The following IMMP2L variants were observed in gnomAD, a reference collection of about 807,000 sequenced individuals.
IMMP2L encodes the protein inner mitochondrial membrane peptidase subunit 2.
IMMP2L carries 18 observed loss-of-function variants against 19.3 expected under a neutral mutation model. The ratio of observed to expected loss-of-function variants is 0.93; its 90% CI spans 0.64 to 1.38. The LOEUF (loss-of-function observed/expected upper bound fraction) is 1.38, where lower values mean the gene tolerates loss of function less well. Ranked by LOEUF, IMMP2L falls within the 40% of genes most tolerant of loss-of-function variation. IMMP2L has a pLI of 0.00. For synonymous variants in IMMP2L, 76 were observed against 73.0 expected, an observed-to-expected ratio of 1.04 and a Z score of -0.21; for missense variants, 233 against 218.2, an observed-to-expected ratio of 1.07 and a Z score of -0.43.
chr7:110,919,907 C>CT (rs1436589740), intron 4 of IMMP2L, among the ~76,000 whole-genome samples: 1 of 152,088 alleles, frequency 6.6e-6, no homozygotes, highest in African/African-American at 2.4e-5. Context: ...ACGTAAATTG[C>CT]TGCCAGCTTG....
At chr7:111,318,342 G>C (rs1366751506) in intron 3 of IMMP2L, among the ~76,000 whole-genome samples, 3 of 152,088 alleles carry the variant, frequency 2.0e-5, no homozygotes, top group Non-Finnish European at 4.4e-5. Flanking sequence ...AAAAGGGGTT[G>C]AGCACACAAA....
At chr7:111,398,350 C>A (rs1833076418) in intron 3 of IMMP2L, among the ~76,000 whole-genome samples, 2 of 152,042 alleles carry the variant, frequency 1.3e-5, no homozygotes, top group Admixed American at 1.3e-4. Flanking sequence ...TGTGATACAC[C>A]ATATAAACAG....
chr7:111,300,682 A>T (rs572365385), intron 3 of IMMP2L, among the ~76,000 whole-genome samples: 1 of 152,256 alleles, frequency 6.6e-6, no homozygotes, highest in Non-Finnish European at 1.5e-5. Flanking sequence ...CATGTCAAGA[A>T]TCTTATATAA....
intron 4 of IMMP2L, among the ~76,000 whole-genome samples, chr7:110,935,544 G>C (rs1816007490): frequency 6.6e-6 from 1 of 152,084 alleles, no homozygotes; most frequent in African/African-American, 2.4e-5. Flanking sequence ...ATGTTGATCT[G>C]TCTTGCTAGG....
rs370398926 is a variant in IMMP2L at position 110,924,769 on chromosome 7, C to T, written c.306-38074G>A. On this transcript the variant is annotated intron_variant, in intron 4 of 5. Transcript: ENST00000405709. The surrounding 1 kb of genome is among the most constrained non-coding windows in gnomAD (Gnocchi z 4.2). ...CATTTCCCACCTTTTATCCCATCTACGTGTTCTAGTTATTGCTCCAAAGTA... is the reference window on the plus strand; with the variant it reads ...CATTTCCCACCTTTTATCCCATCTATGTGTTCTAGTTATTGCTCCAAAGTA... Among the ~76,000 whole-genome samples, 4 of 152,082 alleles carry T rather than the reference C, an allele frequency of 2.6e-5. No homozygotes were observed. Among genetic ancestry groups the T allele is most frequent in the South Asian group, 2.1e-4 (1 of 4,830 alleles).
intron 5 of IMMP2L, among the ~76,000 whole-genome samples, chr7:110,697,659 G>A (rs1293506746): frequency 6.6e-6 from 1 of 152,056 alleles, no homozygotes; most frequent in African/African-American, 2.4e-5. Flanking sequence ...GCTGGCTGTG[G>A]TGGTGCGGGC....
rs546948256 is a variant in IMMP2L, at chr7:111,130,377, G to A, written c.240-166812C>T. The stretch of plus-strand genomic sequence containing the variant: ...GCCTTTTAGAAGGATGAGCTACAAC[G>A]ACATTTGGAGACCTCACAGTACTTT... On this transcript the variant is annotated intron_variant, in intron 3 of 5. Transcript: ENST00000405709. Among the ~76,000 whole-genome samples the A allele has an allele frequency of 2.5e-3, 380 of 152,164 alleles. 2 individuals are homozygous for A. The highest frequency in any genetic ancestry group is 0.014 in the Middle Eastern group (4 of 294).
intron 5 of IMMP2L, among the ~76,000 whole-genome samples, chr7:110,755,757 TG>T (rs1173223307): frequency 6.6e-6 from 1 of 152,062 alleles, no homozygotes. Flanking sequence ...TTGATAAGAC[TG>T]GGACAAGCAT....
intron 3 of IMMP2L, among the ~76,000 whole-genome samples, chr7:111,481,688 T>C (rs1257448586): frequency 6.6e-6 from 1 of 152,158 alleles, no homozygotes; most frequent in African/African-American, 2.4e-5. Flanking sequence ...ACCAGGTGTT[T>C]ATTACCTATC....
At chr7:111,316,550 G>A (rs910765044) in intron 3 of IMMP2L, among the ~76,000 whole-genome samples, 12 of 152,046 alleles carry the variant, frequency 7.9e-5, no homozygotes, top group South Asian at 4.2e-4. Context: ...GAGGGCTGCC[G>A]CTTAGGAACA....
chr7:111,527,344 G>C (rs1277967668), intron 1 of IMMP2L, among the ~76,000 whole-genome samples: 1 of 147,908 alleles, frequency 6.8e-6, no homozygotes, highest in Non-Finnish European at 1.5e-5. Context: ...TTGAGCTAAG[G>C]AGTTTGAGAC....
At chr7:111,430,483 G>A (rs1836516803) in intron 3 of IMMP2L, among the ~76,000 whole-genome samples, 1 of 151,606 alleles carries the variant, frequency 6.6e-6, no homozygotes, top group South Asian at 2.1e-4. Flanking sequence ...CTATAGTTCT[G>A]AGACTATATA....
At chr7:111,144,814 A>G (rs1803295137) in intron 3 of IMMP2L, among the ~76,000 whole-genome samples, 1 of 152,160 alleles carries the variant, frequency 6.6e-6, no homozygotes, top group Admixed American at 6.6e-5. Context: ...AGCAACACAC[A>G]GGCCCTAATG....
chr7:111,146,780 T>C (rs924627748), intron 3 of IMMP2L, among the ~76,000 whole-genome samples: 2 of 152,078 alleles, frequency 1.3e-5, no homozygotes, highest in African/African-American at 2.4e-5. Context: ...CAAATCGATA[T>C]TGTTCTATCT....
At chr7:111,352,305 T>A (rs1828245975) in intron 3 of IMMP2L, among the ~76,000 whole-genome samples, 1 of 150,906 alleles carries the variant, frequency 6.6e-6, no homozygotes, top group South Asian at 2.1e-4. Flanking sequence ...GTTCAAGCAA[T>A]CCCCTGGCTT....
intron 3 of IMMP2L, among the ~76,000 whole-genome samples, chr7:111,325,466 A>G (rs1825212610): frequency 6.6e-6 from 1 of 151,750 alleles, no homozygotes; most frequent in South Asian, 2.1e-4. Context: ...ATATTTTACC[A>G]TATTAGTAAA....
chr7:111,002,793 T>G (rs561293473), intron 3 of IMMP2L, among the ~76,000 whole-genome samples: 1 of 152,316 alleles, frequency 6.6e-6, no homozygotes, highest in Non-Finnish European at 1.5e-5. Context: ...CTTAAGCATT[T>G]AAGTCACTCG....
intron 3 of IMMP2L, among the ~76,000 whole-genome samples, chr7:111,063,937 A>G (rs112796219): frequency 4.6e-5 from 7 of 152,210 alleles, no homozygotes; most frequent in Admixed American, 2.0e-4. Context: ...TGAACCCTCC[A>G]ACCTGTTCCA....
intron 1 of IMMP2L, among the ~76,000 whole-genome samples, chr7:111,526,902 G>C (rs1053503430): frequency 6.6e-6 from 1 of 152,082 alleles, no homozygotes; most frequent in Admixed American, 6.6e-5. Flanking sequence ...TTAGTTATAA[G>C]GTAGTATGCA....
Sources: gnomAD v4.1 joint callset for allele counts (sites outside exome capture counted in the v4.1 genomes callset) on GRCh38, gnomAD v4.1.1 for gene constraint, Gnocchi (gnomAD v3.1) non-coding constraint, MANE v1.5 for transcripts, NCBI Gene and HGNC (gene_info 2026-07-23, HGNC 2026-07-21) for gene names.